ALKBH1: variants seen among roughly 807,000 people sequenced by gnomAD.
ALKBH1 encodes the protein nucleic acid dioxygenase ALKBH1.
ALKBH1 carries 31 observed loss-of-function variants against 36.6 expected under a neutral mutation model. That is an observed-to-expected ratio of 0.85 (90% CI 0.64 to 1.14). The LOEUF is 1.14. Ranked by LOEUF, ALKBH1 falls within the 50% of genes most tolerant of loss-of-function variation. The probability of loss-of-function intolerance (pLI) is 0.00; values close to 1 mark genes in which losing one functional copy is unlikely to be tolerated. For synonymous variants in ALKBH1, 183 were observed against 186.6 expected (o/e 0.98, Z 0.16); for missense variants, 490 against 497.3 (o/e 0.99, Z 0.14).
At chr14:77,706,176 G>A (rs1175920628) in intron 1 of ALKBH1, among the ~76,000 whole-genome samples, 1 of 151,978 alleles carries the variant, frequency 6.6e-6, no homozygotes, top group Non-Finnish European at 1.5e-5. Flanking sequence ...CTCCAAGTGT[G>A]GAGATTCCTG....
chr14:77,699,487 C>T (rs74361627), intron 2 of ALKBH1, among the ~76,000 whole-genome samples: 5,310 of 152,290 alleles, frequency 0.035, 132 homozygotes, highest in African/African-American at 0.067. Flanking sequence ...GTGTCAGACA[C>T]TGTGCCAGCA....
intron 3 of ALKBH1, among the ~76,000 whole-genome samples, chr14:77,686,980 A>G (rs957331606): frequency 6.6e-6 from 1 of 151,974 alleles, no homozygotes; most frequent in Non-Finnish European, 1.5e-5. Context: ...TCAACTTGAC[A>G]CTCCCAGTCA....
intron 3 of ALKBH1, among the ~76,000 whole-genome samples, chr14:77,686,918 G>A (rs1042142756): frequency 6.6e-6 from 1 of 152,130 alleles, no homozygotes; most frequent in African/African-American, 2.4e-5. Flanking sequence ...CACTGTGCCT[G>A]GCCACCCCAT....
In ALKBH1 at chr14:77,694,799, C is replaced by T. The variant is rs1336002224; in HGVS notation, c.394G>A (p.Asp132Asn). 11 of 1,609,200 alleles carry T rather than the reference C, an allele frequency of 6.8e-6. No individual in the cohort carries two copies. Among genetic ancestry groups the T allele is most frequent in the Non-Finnish European group, 9.3e-6 (11 of 1,177,906 alleles). ...GTCTCTTCTTTAGACATGTGTTTGT[C>T]CAGGTTACATACATTAGGTTTCTGG... is the stretch of plus-strand genomic sequence containing the variant. The part of the protein sequence containing the change: ...YSQKPNVCNL[D>N]KHMSKEETQD... The change falls in exon 3 of 6, where the codon GAC (aspartate) becomes AAC (asparagine). Residue 132 changes from aspartate to asparagine, a missense_variant. Asp to Asn is a conservative substitution (Grantham distance 23). Transcript: ENST00000216489.
rs2080201332 is a variant in ALKBH1 at position 77,675,697 on chromosome 14, G to C, written c.699C>G (p.Asp233Glu). Residue 233 changes from aspartate to glutamate, a missense_variant, in exon 5 of 6, where the codon GAC (aspartate) becomes GAG (glutamate). Physicochemically the swap from Asp to Glu is conservative, Grantham distance 45 (BLOSUM62 2). Transcript: ENST00000216489. Reference sequence around the variant, plus strand: ...GTTTGGAGTGATCTAGCTCAGATCTGTCTACGTGGATTCCCAGTGTGGAGT... The same window carrying C: ...GTTTGGAGTGATCTAGCTCAGATCTCTCTACGTGGATTCCCAGTGTGGAGT... ...RLDSTLGIHV[D>E]RSELDHSKPL... 1 of 1,614,030 alleles carries C rather than the reference G, an allele frequency of 6.2e-7. No homozygotes were observed. Among genetic ancestry groups the C allele is most frequent in the Non-Finnish European group, 8.5e-7 (1 of 1,180,028 alleles).
chr14:77,678,484 G>A (rs1417329450), intron 4 of ALKBH1, among the ~76,000 whole-genome samples: 2 of 151,744 alleles, frequency 1.3e-5, no homozygotes, highest in Admixed American at 6.6e-5. Context: ...AGTCTGGGGA[G>A]GTCGAGGCTA....
intron 3 of ALKBH1, among the ~76,000 whole-genome samples, chr14:77,693,206 CAAAAAAA>C (rs59132199): frequency 0.011 from 1,335 of 126,754 alleles, 22 homozygotes; most frequent in African/African-American, 0.037. Context: ...AACTCCGTCT[CAAAAAAA>C]AAAAAAAAAA....
At position 77,708,008 on chromosome 14, in the gene ALKBH1, G is replaced by T. The variant is rs763243068; in HGVS notation, c.-4C>A. 1.9e-6 allele frequency: 3 copies of T among 1,608,750 alleles called. No homozygotes were observed. Among genetic ancestry groups the T allele is most frequent in the African/African-American group, 2.7e-5 (2 of 74,782 alleles). The stretch of plus-strand genomic sequence containing the variant: ...CGGCCGCTGCCATCTTCCCCATCTC[G>T]CGGCCTATACCCTCTGATCCGGAAG... On this transcript the variant is annotated 5_prime_UTR_variant, in exon 1 of 6. Coordinates refer to ENST00000216489, the MANE Select transcript of ALKBH1 (RefSeq NM_006020.3).
intron 3 of ALKBH1, among the ~76,000 whole-genome samples, chr14:77,681,272 C>T (rs2267759): frequency 0.18 from 27,252 of 151,994 alleles, 2,560 homozygotes; most frequent in East Asian, 0.26. Context: ...TTGAGGGGCA[C>T]GAGAATTAAG....
At chr14:77,685,464 C>G (rs1400247276) in intron 3 of ALKBH1, among the ~76,000 whole-genome samples, 4 of 146,196 alleles carry the variant, frequency 2.7e-5, no homozygotes, top group Non-Finnish European at 6.0e-5. Flanking sequence ...AAAACAAGGA[C>G]TCTAACTGTA....
At position 77,680,677 on chromosome 14, in the gene ALKBH1, C is replaced by CTCTTTTTTTTTTTTTTTTTTTTTT. The variant is rs774703181; in HGVS notation, c.456-708_456-707insAAAAAAAAAAAAAAAAAAAAAAGA. ...GATCAAATCTATGTGATTAACTACT[C>CTCTTTTTTTTTTTTTTTTTTTTTT]TTTTTTTTTTTTTTTTTTTGAGACA... is the stretch of plus-strand genomic sequence containing the variant. On this transcript the variant is annotated intron_variant, in intron 3 of 5. Coordinates refer to ENST00000216489, the MANE Select transcript of ALKBH1 (RefSeq NM_006020.3). Among the ~76,000 whole-genome samples, 18 of 124,326 alleles carry CTCTTTTTTTTTTTTTTTTTTTTTT rather than the reference C, an allele frequency of 1.4e-4. 2 individuals carry two copies. The highest frequency in any genetic ancestry group is 5.7e-4 in the African/African-American group (18 of 31,346). 81.6% of individuals were successfully genotyped at this position (124,326 alleles called of 152,430 possible).
At position 77,695,052 on chromosome 14, in the gene ALKBH1, G is replaced by A. The variant is rs761121305; in HGVS notation, c.293-152C>T. ...AGTTAATGAACAGGTAGGTTTTGAT[G>A]AACATTAGACATCTACCCCTATGCA... On this transcript the variant is annotated intron_variant, in intron 2 of 5. Coordinates refer to ENST00000216489, the MANE Select transcript of ALKBH1 (RefSeq NM_006020.3). 2.2e-5 allele frequency: 12 copies of A among 544,948 alleles called. No homozygotes were observed. The Admixed American group carries it at 5.1e-4, about 23-fold the overall frequency. The allele number at this position is 544,948 out of a possible 1,614,324, so 33.8% of individuals were successfully genotyped here.
In ALKBH1 at chr14:77,695,028, G is replaced by C. The variant is rs17106199; in HGVS notation, c.293-128C>G. The C allele has an allele frequency of 5.6e-3, 3,880 of 696,968 alleles. 134 individuals carry two copies. The African/African-American group carries it at 0.065, about 12-fold the overall frequency. 43.2% of individuals were successfully genotyped at this position (696,968 alleles called of 1,614,324 possible). ...CCATATTTTTTTGGTCATGCTTCAA[G>C]TTAATGAACAGGTAGGTTTTGATGA... On this transcript the variant is annotated intron_variant, in intron 2 of 5. Transcript: ENST00000216489.
intron 3 of ALKBH1, among the ~76,000 whole-genome samples, chr14:77,680,550 A>G (rs1385679146): frequency 1.3e-5 from 2 of 152,204 alleles, no homozygotes; most frequent in African/African-American, 4.8e-5. Flanking sequence ...CTAACAATTA[A>G]GGCACCACTG....
intron 2 of ALKBH1, among the ~76,000 whole-genome samples, chr14:77,698,739 T>C (rs1350506401): frequency 6.6e-6 from 1 of 152,202 alleles, no homozygotes. Context: ...TAGTAAAGAC[T>C]AGGCTTCGAC....
intron 3 of ALKBH1, among the ~76,000 whole-genome samples, chr14:77,688,117 C>G (rs899083503): frequency 6.6e-6 from 1 of 152,200 alleles, no homozygotes. Context: ...ACCCTCACTG[C>G]CATGTAGAAA....
intron 3 of ALKBH1, among the ~76,000 whole-genome samples, chr14:77,689,189 T>C (rs907338115): frequency 1.3e-5 from 2 of 152,222 alleles, no homozygotes; most frequent in African/African-American, 4.8e-5. Flanking sequence ...ATTTTTCCAA[T>C]TTGTTTTTTC....
intron 2 of ALKBH1, among the ~76,000 whole-genome samples, chr14:77,703,520 C>G (rs1489393238): frequency 6.6e-6 from 1 of 151,030 alleles, no homozygotes; most frequent in Non-Finnish European, 1.5e-5. Context: ...TGGTCTCAAT[C>G]TCCTGACCTC....
At chr14:77,707,767 C>G in intron 1 of ALKBH1, 55 bp downstream of exon 1, 2 of 1,537,482 alleles carry the variant, frequency 1.3e-6, no homozygotes, top group Admixed American at 2.1e-5. Flanking sequence ...ACGTAAGTCC[C>G]TCCAAGACGC....
Sources: gnomAD v4.1 joint callset for allele counts (sites outside exome capture counted in the v4.1 genomes callset) on GRCh38, gnomAD v4.1.1 for gene constraint, MANE v1.5 for transcripts, NCBI Gene and HGNC (gene_info 2026-07-23, HGNC 2026-07-21) for gene names.